The following PSMG2 variants were observed in gnomAD, a reference collection of about 807,000 sequenced individuals.
PSMG2 encodes the protein proteasome assembly chaperone 2, also known as CD40 ligand-activated specific transcript 3.
In PSMG2, 21 loss-of-function variants were observed where a neutral mutation model predicts 31.5. That is an observed-to-expected ratio of 0.67 (90% CI 0.47 to 0.96). The LOEUF (loss-of-function observed/expected upper bound fraction) is 0.96. PSMG2 is among the 40% of genes least tolerant of loss of function. The probability of loss-of-function intolerance (pLI) is 0.00; values close to 1 mark genes in which losing one functional copy is unlikely to be tolerated. For synonymous variants in PSMG2, 120 were observed against 110.4 expected (o/e 1.09, Z -0.54); for missense variants, 318 against 321.2 (o/e 0.99, Z 0.08).
At chr18:12,694,957 C>T (rs372756234) in intron 1 of PSMG2, among the ~76,000 whole-genome samples, 2 of 151,872 alleles carry the variant, frequency 1.3e-5, no homozygotes, top group Non-Finnish European at 1.5e-5. Context: ...CCTTGTGATC[C>T]GCCCGCCTCG....
At chr18:12,724,431 A>G in intron 5 of PSMG2, 68 bp from the exon 6 acceptor site, 6 of 1,416,232 alleles carry the variant, frequency 4.2e-6, no homozygotes, top group Non-Finnish European at 4.7e-6. Flanking sequence ...AGCTGTAAAA[A>G]CAGACACACT....
At chr18:12,692,763 C>T (rs544207345) in intron 1 of PSMG2, among the ~76,000 whole-genome samples, 2 of 152,346 alleles carry the variant, frequency 1.3e-5, no homozygotes, top group Non-Finnish European at 2.9e-5. Flanking sequence ...GCTACATCTC[C>T]AGTGTCTAGA....
rs577391035 is a variant in PSMG2 at position 12,661,277 on chromosome 18, C to CAG, written c.-37+2505_-37+2506dup. On this transcript the variant is annotated intron_variant, in intron 1 of 6. Transcript: ENST00000585331. ...GAGCCGAGATCACGCCATTGCACCC[C>CAG]AGCCTGGGTGACAAGAGTGAGCCTT... 2.1e-3 allele frequency: 1,404 copies of CAG among 654,134 alleles called. 5 individuals are homozygous for CAG. The highest frequency in any genetic ancestry group is 0.014 in the South Asian group (207 of 14,766). The allele number at this position is 654,134 out of a possible 1,614,324, so 40.5% of individuals were successfully genotyped here.
intron 1 of PSMG2, among the ~76,000 whole-genome samples, chr18:12,689,850 C>T (rs1237598573): frequency 2.0e-5 from 3 of 152,204 alleles, no homozygotes; most frequent in African/African-American, 7.2e-5. Context: ...AGTGCAATGG[C>T]GTGATCTTCG....
intron 1 of PSMG2, among the ~76,000 whole-genome samples, chr18:12,694,720 T>C (rs560080997): frequency 1.0e-4 from 15 of 150,112 alleles, no homozygotes; most frequent in African/African-American, 3.6e-4. Context: ...TTTTTTTTTT[T>C]TCTTTTTTTG....
intron 1 of PSMG2, chr18:12,691,212 G>A: frequency 1.9e-6 from 1 of 526,880 alleles, no homozygotes. Context: ...TGCAGTGAAA[G>A]AGAATATTAC....
chr18:12,699,810 T>C, upstream of PSMG2: 1 of 1,357,706 alleles, frequency 7.4e-7, no homozygotes, highest in Non-Finnish European at 1.0e-6. Context: ...ACAACTAAAT[T>C]AATGTTAAAA....
chr18:12,708,965 T>G (rs9954112), intron 2 of PSMG2, among the ~76,000 whole-genome samples: 59,241 of 151,606 alleles, frequency 0.39, 11,965 homozygotes, highest in Non-Finnish European at 0.45. Flanking sequence ...GCCTGCCTCG[T>G]CCTCCCAAAG....
upstream of PSMG2, chr18:12,703,019 A>G: frequency 1.4e-6 from 2 of 1,458,894 alleles, no homozygotes; most frequent in Non-Finnish European, 1.9e-6. Flanking sequence ...GCGCCCCGCG[A>G]GGCTCCGGGG....
At chr18:12,724,673 C>T (rs761212309) in intron 6 of PSMG2, 54 bp downstream of exon 6, 14 of 1,493,108 alleles carry the variant, frequency 9.4e-6, no homozygotes, top group African/African-American at 4.3e-5. Context: ...TTCATTAACT[C>T]GCACTTTATA....
chr18:12,695,322 A>C, intron 1 of PSMG2: 1 of 1,560,536 alleles, frequency 6.4e-7, no homozygotes, highest in Non-Finnish European at 8.8e-7. Flanking sequence ...TTTATATTTA[A>C]AATTCCCACA....
chr18:12,680,393 C>G (rs62096020), intron 1 of PSMG2, among the ~76,000 whole-genome samples: 1 of 151,836 alleles, frequency 6.6e-6, no homozygotes, highest in African/African-American at 2.4e-5. Context: ...GTCAGGAGTT[C>G]GAGACCAGCC....
chr18:12,710,079 ACTACAGACACCCGCCATCACGCCCGG>A (rs2040314182), intron 2 of PSMG2, among the ~76,000 whole-genome samples: 1 of 151,634 alleles, frequency 6.6e-6, no homozygotes, highest in Admixed American at 6.6e-5. Flanking sequence ...AGTAGCTGGG[ACTACAGACACCCGCCATCACGCCCGG>A]CTACTTTTTT....
At chr18:12,688,827 G>A (rs564844243) in intron 1 of PSMG2, among the ~76,000 whole-genome samples, 1 of 152,140 alleles carries the variant, frequency 6.6e-6, no homozygotes, top group African/African-American at 2.4e-5. Flanking sequence ...ATTGCAAAAA[G>A]TTCTTGGCCA....
At chr18:12,706,970 T>C (rs949859549) in intron 2 of PSMG2, among the ~76,000 whole-genome samples, 1 of 152,186 alleles carries the variant, frequency 6.6e-6, no homozygotes, top group African/African-American at 2.4e-5. Flanking sequence ...TTTTTATTAT[T>C]TTTGAGACGG....
chr18:12,671,446 TAAAAAACTTA>T (rs2038939755), intron 1 of PSMG2, among the ~76,000 whole-genome samples: 1 of 151,652 alleles, frequency 6.6e-6, no homozygotes, highest in Non-Finnish European at 1.5e-5. Flanking sequence ...TTTGAAAAAA[TAAAAAACTTA>T]AAAAAAATGA....
At chr18:12,681,350 G>C (rs909143769) in intron 1 of PSMG2, among the ~76,000 whole-genome samples, 2 of 148,160 alleles carry the variant, frequency 1.3e-5, no homozygotes, top group African/African-American at 5.0e-5. Flanking sequence ...GGGCTTAAGT[G>C]ATTTCCCCAT....
chr18:12,697,268 A>C lies in PSMG2; in HGVS notation c.-36-9282A>C, dbSNP rs759456241. On this transcript the variant is annotated intron_variant, in intron 1 of 6. Coordinates refer to the PSMG2 transcript ENST00000585331. ...GTCAGACTGGTCACTCCATTTTCTG[A>C]GCCCAAAACCGATCGCCATTCCAGA... The C allele has an allele frequency of 2.9e-5, 46 of 1,613,614 alleles. No homozygotes were observed. The highest frequency in any genetic ancestry group is 3.6e-5 in the Non-Finnish European group (42 of 1,179,838).
intron 1 of PSMG2, among the ~76,000 whole-genome samples, chr18:12,693,256 T>TTAAA (rs759779120): frequency 1.3e-5 from 2 of 152,088 alleles, no homozygotes; most frequent in Non-Finnish European, 2.9e-5. Context: ...AAAATAATGT[T>TTAAA]AAGTTTAAAA....
Sources: gnomAD v4.1 joint callset for allele counts (sites outside exome capture counted in the v4.1 genomes callset) on GRCh38, gnomAD v4.1.1 for gene constraint, MANE v1.5 for transcripts, NCBI Gene and HGNC (gene_info 2026-07-23, HGNC 2026-07-21) for gene names.